Variants in HHAT observed in about 807,000 individuals in gnomAD.
HHAT encodes the protein protein-cysteine N-palmitoyltransferase HHAT.
HHAT carries 47 observed loss-of-function variants against 70.8 expected under a neutral mutation model. The observed-to-expected ratio is 0.66, with a 90% CI of 0.53 to 0.85. The LOEUF (loss-of-function observed/expected upper bound fraction) is 0.85. Ranked by LOEUF, HHAT falls within the 40% of genes least tolerant of loss-of-function variation. The pLI is 0.00. For synonymous variants in HHAT, 228 were observed against 247.6 expected (o/e 0.92, Z 0.74); for missense variants, 609 against 604.8 (o/e 1.01, Z -0.07).
intron 6 of HHAT, among the ~76,000 whole-genome samples, chr1:210,414,703 T>A (rs1413046103): frequency 1.3e-5 from 2 of 152,132 alleles, no homozygotes; most frequent in Non-Finnish European, 2.9e-5. Flanking sequence ...AAGATCACAT[T>A]ACTTTTTCTC....
chr1:210,421,637 G>A (rs1340442462), intron 7 of HHAT, among the ~76,000 whole-genome samples: 2 of 152,034 alleles, frequency 1.3e-5, no homozygotes, highest in Non-Finnish European at 2.9e-5. Context: ...TAGAGACGGG[G>A]TTTCACCATG....
chr1:210,504,023 T>A (rs930772038), intron 8 of HHAT, among the ~76,000 whole-genome samples: 1 of 152,160 alleles, frequency 6.6e-6, no homozygotes, highest in Admixed American at 6.5e-5. Flanking sequence ...ATCAATCAAT[T>A]GGATTTTTGA....
intron 4 of HHAT, 46 bp downstream of exon 4, chr1:210,387,627 C>A: frequency 1.4e-6 from 2 of 1,468,102 alleles, no homozygotes; most frequent in South Asian, 1.2e-5. Flanking sequence ...TTTTCCTTTG[C>A]TTCTTGTGAA....
intron 4 of HHAT, among the ~76,000 whole-genome samples, chr1:210,397,366 A>G (rs2091845555): frequency 6.6e-6 from 1 of 152,162 alleles, no homozygotes; most frequent in South Asian, 2.1e-4. Context: ...CATAATTTGA[A>G]CCTTGTAATT....
intron 9 of HHAT, among the ~76,000 whole-genome samples, chr1:210,540,408 T>C (rs1284586200): frequency 6.6e-6 from 1 of 151,914 alleles, no homozygotes; most frequent in Non-Finnish European, 1.5e-5. Context: ...TATGTGGTTT[T>C]CTTTGGTGGT....
intron 8 of HHAT, among the ~76,000 whole-genome samples, chr1:210,466,375 C>G (rs535387432): frequency 3.8e-4 from 58 of 152,350 alleles, no homozygotes; most frequent in Non-Finnish European, 7.5e-4. Flanking sequence ...GAGGTGCTCT[C>G]TAACTAGAAG....
intron 9 of HHAT, among the ~76,000 whole-genome samples, chr1:210,534,442 A>G (rs556406086): frequency 1.3e-5 from 2 of 152,264 alleles, no homozygotes; most frequent in African/African-American, 4.8e-5. Context: ...TTATATAACA[A>G]TCCCACCCAC....
At chr1:210,385,252 C>CCT (rs113090673) in intron 3 of HHAT, among the ~76,000 whole-genome samples, 1 of 138,896 alleles carries the variant, frequency 7.2e-6, no homozygotes, top group Non-Finnish European at 1.5e-5. Context: ...ATATGTTTTT[C>CCT]TTTTTTTTTT....
chr1:210,617,766 G>A (rs1022646413), intron 10 of HHAT, among the ~76,000 whole-genome samples: 1 of 152,206 alleles, frequency 6.6e-6, no homozygotes, highest in African/African-American at 2.4e-5. Context: ...ATTGCTGCAG[G>A]TATTTGATTC....
intron 9 of HHAT, among the ~76,000 whole-genome samples, chr1:210,578,246 A>G (rs1658365660): frequency 6.6e-6 from 1 of 152,168 alleles, no homozygotes; most frequent in Admixed American, 6.5e-5. Flanking sequence ...AAGATGCTCA[A>G]TATCACCAGT....
At chr1:210,333,944 A>C (rs1317355148) in intron 1 of HHAT, among the ~76,000 whole-genome samples, 1 of 152,096 alleles carries the variant, frequency 6.6e-6, no homozygotes, top group African/African-American at 2.4e-5. Flanking sequence ...GGTGTGAGCC[A>C]TTACATCTGG....
intron 9 of HHAT, among the ~76,000 whole-genome samples, chr1:210,544,391 T>TG (rs1553264934): frequency 0.011 from 1,054 of 98,958 alleles, 10 homozygotes; most frequent in East Asian, 0.031. Context: ...TTTTTTTTTT[T>TG]GACACAGTTT....
intron 7 of HHAT, among the ~76,000 whole-genome samples, chr1:210,449,459 T>C (rs938523704): frequency 3.9e-5 from 6 of 152,236 alleles, no homozygotes; most frequent in African/African-American, 1.2e-4. Context: ...CTACACTTTT[T>C]CCTCCCCAGC....
intron 7 of HHAT, among the ~76,000 whole-genome samples, chr1:210,442,506 G>A (rs2093542194): frequency 6.7e-6 from 1 of 150,314 alleles, no homozygotes; most frequent in Non-Finnish European, 1.5e-5. Context: ...ATCCTGTCCA[G>A]CAGCTGTTGT....
chr1:210,549,729 G>A (rs1177715589), intron 9 of HHAT, among the ~76,000 whole-genome samples: 3 of 148,966 alleles, frequency 2.0e-5, no homozygotes, highest in African/African-American at 7.4e-5. Context: ...GTACAGTGGT[G>A]TACGCCTGTA....
chr1:210,412,462 G>A (rs746626201), intron 6 of HHAT, among the ~76,000 whole-genome samples: 1 of 152,172 alleles, frequency 6.6e-6, no homozygotes. Flanking sequence ...CTTCAGCTGT[G>A]AGCCTGTGAA....
intron 9 of HHAT, among the ~76,000 whole-genome samples, chr1:210,538,234 A>G (rs936744145): frequency 6.6e-6 from 1 of 152,232 alleles, no homozygotes; most frequent in Non-Finnish European, 1.5e-5. Context: ...AGTTGTTGAT[A>G]AATGCTAAAT....
At chr1:210,554,544 T>A (rs1260091063) in intron 9 of HHAT, among the ~76,000 whole-genome samples, 1 of 151,958 alleles carries the variant, frequency 6.6e-6, no homozygotes, top group Admixed American at 6.6e-5. Flanking sequence ...TGGGTGTGAG[T>A]CTGTGGAGGT....
At chr1:210,446,463 G>A (rs1188669270) in intron 7 of HHAT, among the ~76,000 whole-genome samples, 3 of 152,198 alleles carry the variant, frequency 2.0e-5, no homozygotes, top group Non-Finnish European at 4.4e-5. Context: ...CTACAATGAT[G>A]TGACCTTGTT....
Sources: gnomAD v4.1 joint callset for allele counts (sites outside exome capture counted in the v4.1 genomes callset) on GRCh38, gnomAD v4.1.1 for gene constraint, MANE v1.5 for transcripts, NCBI Gene and HGNC (gene_info 2026-07-23, HGNC 2026-07-21) for gene names.